Variants in SHD observed in about 807,000 individuals in gnomAD.
The protein encoded by SHD is SH2 domain-containing adapter protein D.
Under a neutral mutation model 31.2 loss-of-function variants are expected in SHD, and 29 were observed. That is an observed-to-expected ratio of 0.93 (90% CI 0.69 to 1.27). SHD has a LOEUF of 1.27. SHD is among the 50% of genes most tolerant of loss of function. The pLI, the probability that SHD is intolerant of heterozygous loss-of-function variation, is 0.00. For synonymous variants in SHD, 208 were observed against 187.8 expected, an observed-to-expected ratio of 1.11 and a Z score of -0.88; for missense variants, 520 against 453.8, an observed-to-expected ratio of 1.15 and a Z score of -1.33.
chr19:4,284,718 C>G, intron 3 of SHD, 63 bp from the exon 4 acceptor site: 1 of 1,407,446 alleles, frequency 7.1e-7, no homozygotes, highest in South Asian at 1.8e-5. Context: ...CATTGGCTTG[C>G]CCCTGCCCCG....
intron 3 of SHD, chr19:4,284,569 C>G: frequency 2.3e-6 from 1 of 431,184 alleles, no homozygotes; most frequent in Non-Finnish European, 3.9e-6. Context: ...CTCCTTGCCA[C>G]CAGATTTATA....
chr19:4,282,040 G>A (rs528990006), intron 1 of SHD, among the ~76,000 whole-genome samples: 5 of 152,264 alleles, frequency 3.3e-5, no homozygotes, highest in South Asian at 4.2e-4. Flanking sequence ...TGGGGAAATG[G>A]GATCAAGACA....
At chr19:4,283,557 TTTTA>T (rs1285246859) in intron 3 of SHD, among the ~76,000 whole-genome samples, 3 of 145,402 alleles carry the variant, frequency 2.1e-5, no homozygotes, top group African/African-American at 8.3e-5. Flanking sequence ...CATTTCTTTA[TTTTA>T]TTTTATTTTA....
chr19:4,284,596 T>A (rs1344468945), intron 3 of SHD, 185 bp from the exon 4 acceptor site: 2 of 560,400 alleles, frequency 3.6e-6, no homozygotes, highest in Admixed American at 3.7e-5. Flanking sequence ...CGCACCTATT[T>A]CTTAGGAAGG....
At chr19:4,284,111 C>T (rs1971284655) in intron 3 of SHD, among the ~76,000 whole-genome samples, 1 of 151,936 alleles carries the variant, frequency 6.6e-6, no homozygotes, top group South Asian at 2.1e-4. Flanking sequence ...CGAGACCAGC[C>T]TGACCAACAT....
rs534791100 is a variant in SHD, at chr19:4,283,640, G to A, written c.592+398G>A. On this transcript the variant is annotated intron_variant, in intron 3 of 5. Transcript: ENST00000543264. ...GTCGCCCAGGCTGGAGTGCAGTGGC[G>A]TGATCTCGGCTCACTGCAAGCTTCG... Among the ~76,000 whole-genome samples the A allele has an allele frequency of 5.3e-5, 8 of 151,746 alleles. No homozygotes were observed. In the South Asian group the frequency reaches 1.2e-3, roughly 24 times the overall value.
At chr19:4,286,231 T>TTTCC (rs1309589434) in intron 4 of SHD, among the ~76,000 whole-genome samples, 1 of 49,952 alleles carries the variant, frequency 2.0e-5, no homozygotes, top group African/African-American at 7.7e-5. Context: ...TCTTTCTTTC[T>TTTCC]TTTCTTTCTT....
chr19:4,286,222 C>T (rs1476658611), intron 4 of SHD, among the ~76,000 whole-genome samples: 1 of 99,094 alleles, frequency 1.0e-5, no homozygotes, highest in Non-Finnish European at 1.9e-5. Context: ...TTCTTTCTTT[C>T]TTTCTTTCTT....
At chr19:4,285,480 G>A (rs986282470) in intron 4 of SHD, among the ~76,000 whole-genome samples, 1 of 152,116 alleles carries the variant, frequency 6.6e-6, no homozygotes. Context: ...AAATCTCTTC[G>A]GTGGGCAATA....
chr19:4,285,169 G>A (rs920725077), intron 4 of SHD, among the ~76,000 whole-genome samples: 1 of 152,196 alleles, frequency 6.6e-6, no homozygotes, highest in Non-Finnish European at 1.5e-5. Context: ...TCTCCTGGCT[G>A]TGTAGCCTGG....
chr19:4,284,244 T>C (rs1389905104), intron 3 of SHD, among the ~76,000 whole-genome samples: 1 of 152,042 alleles, frequency 6.6e-6, no homozygotes, highest in Non-Finnish European at 1.5e-5. Flanking sequence ...GAGGTTGCGG[T>C]GAGCCAAGAT....
rs71166980 is a variant in SHD, at chr19:4,289,103, A to ATTTT, written c.836+763_836+766dup. Reference sequence around the variant, plus strand: ...CGGCGCATACCACCGTGCCCAGCTAATTTTTTTTTTTTTTTTTTTTTTTTT... The same window carrying ATTTT: ...CGGCGCATACCACCGTGCCCAGCTAATTTTTTTTTTTTTTTTTTTTTTTTTTTTT... On this transcript the variant is annotated intron_variant, in intron 5 of 5. Coordinates refer to ENST00000543264, the MANE Select transcript of SHD (RefSeq NM_020209.4). 2.8e-4 allele frequency among the ~76,000 whole-genome samples: 22 copies of ATTTT among 77,398 alleles called. 1 individual carries two copies. The highest frequency in any genetic ancestry group is 5.1e-4 in the African/African-American group (9 of 17,732). 50.8% of individuals were successfully genotyped at this position (77,398 alleles called of 152,430 possible). A position where few individuals can be genotyped will look rare whatever the true frequency, so the allele number is the denominator to read the frequency against.
intron 5 of SHD, 72 bp from the exon 6 acceptor site, chr19:4,290,375 G>A: frequency 1.3e-6 from 2 of 1,522,786 alleles, no homozygotes; most frequent in African/African-American, 1.4e-5. Context: ...ACTGTGGGAG[G>A]TGGCTTTGGG....
intron 3 of SHD, 45 bp from the exon 4 acceptor site, chr19:4,284,736 A>C (rs778279528): frequency 6.8e-7 from 1 of 1,472,990 alleles, no homozygotes; most frequent in South Asian, 1.4e-5. Context: ...CCGCCCCCCA[A>C]GGTAGGCTGG....
At chr19:4,290,294 G>A (rs541493094) in intron 5 of SHD, among the ~76,000 whole-genome samples, 153 bp from the exon 6 acceptor site, 1 of 152,286 alleles carries the variant, frequency 6.6e-6, no homozygotes, top group East Asian at 1.9e-4. Flanking sequence ...GATTACAGGT[G>A]TGAGCGAGTA....
intron 3 of SHD, 43 bp downstream of exon 3, chr19:4,283,285 C>T: frequency 6.4e-7 from 1 of 1,567,662 alleles, no homozygotes. Context: ...TGCCCCATCC[C>T]TGCATTTCCT....
chr19:4,280,484 C>A, intron 1 of SHD, 124 bp downstream of exon 1: 2 of 1,071,134 alleles, frequency 1.9e-6, no homozygotes, highest in Non-Finnish European at 2.6e-6. Context: ...ACAGACCCTT[C>A]CCAGTCCTCC....
At chr19:4,289,000 GTGGTGCATACC>G (rs1036888205) in intron 5 of SHD, among the ~76,000 whole-genome samples, 1 of 151,868 alleles carries the variant, frequency 6.6e-6, no homozygotes, top group African/African-American at 2.4e-5. Context: ...GTTGGGCATA[GTGGTGCATACC>G]TGTAATTCCA....
chr19:4,280,472 A>G lies in SHD; in HGVS notation c.297+112A>G, dbSNP rs527492264. ...GATCACAGGAGGGGACTGGGGCACC[A>G]GACAGACCCTTCCCAGTCCTCCAGA... On this transcript the variant is annotated intron_variant, in intron 1 of 5. Coordinates refer to ENST00000543264, the MANE Select transcript of SHD (RefSeq NM_020209.4). 52 of 1,197,872 alleles carry G rather than the reference A, an allele frequency of 4.3e-5. No individual in the cohort carries two copies. In the African/African-American group the frequency reaches 6.8e-4, roughly 16 times the overall value. The allele number at this position is 1,197,872 out of a possible 1,614,324, so 74.2% of individuals were successfully genotyped here. A position where few individuals can be genotyped will look rare whatever the true frequency, so the allele number is the denominator to read the frequency against.
Sources: gnomAD v4.1 joint callset for allele counts (sites outside exome capture counted in the v4.1 genomes callset) on GRCh38, gnomAD v4.1.1 for gene constraint, MANE v1.5 for transcripts, NCBI Gene and HGNC (gene_info 2026-07-23, HGNC 2026-07-21) for gene names.